GNA14: variants seen among roughly 807,000 people sequenced by gnomAD.
GNA14 encodes the protein guanine nucleotide-binding protein subunit alpha-14.
In GNA14, 50 loss-of-function variants were observed where a neutral mutation model predicts 42.0. The ratio of observed to expected loss-of-function variants is 1.19; its 90% CI spans 0.95 to 1.51. The LOEUF is 1.51. GNA14 is among the 40% of genes most tolerant of loss of function. The probability of loss-of-function intolerance (pLI) is 0.00; values close to 1 mark genes in which losing one functional copy is unlikely to be tolerated. For missense variants in GNA14, 473 were observed against 446.2 expected, an observed-to-expected ratio of 1.06 and a Z score of -0.54; for synonymous variants, 173 against 163.1, an observed-to-expected ratio of 1.06 and a Z score of -0.46.
chr9:77,603,956 CAAAAAAAAAAA>C lies in GNA14; in HGVS notation c.124+43703_124+43713del, dbSNP rs67044542. On this transcript the variant is annotated intron_variant, in intron 1 of 6. Coordinates refer to ENST00000341700, the MANE Select transcript of GNA14 (RefSeq NM_004297.4). ...AAGACTCCATCTCAAAAAAAAAAAA[CAAAAAAAAAAA>C]AAAAAAAAAAAAAACACCTCTGAGA... is the stretch of plus-strand genomic sequence containing the variant. Among the ~76,000 whole-genome samples, 125 of 81,618 alleles carry C rather than the reference CAAAAAAAAAAA, an allele frequency of 1.5e-3. 3 individuals are homozygous for C. Among genetic ancestry groups the C allele is most frequent in the Admixed American group, 6.1e-3 (33 of 5,418 alleles). The allele number at this position is 81,618 out of a possible 152,430, so 53.5% of individuals were successfully genotyped here. A position where few individuals can be genotyped will look rare whatever the true frequency, so the allele number is the denominator to read the frequency against.
At chr9:77,458,908 G>A (rs111758213) in intron 2 of GNA14, among the ~76,000 whole-genome samples, 1,911 of 147,600 alleles carry the variant, frequency 0.013, 41 homozygotes, top group African/African-American at 0.03. Flanking sequence ...AGCTGGAGGG[G>A]GGGGGGTTGT....
At chr9:77,480,929 TC>T (rs1836541343) in intron 2 of GNA14, among the ~76,000 whole-genome samples, 1 of 152,184 alleles carries the variant, frequency 6.6e-6, no homozygotes, top group Non-Finnish European at 1.5e-5. Context: ...TCTATTTGAT[TC>T]TTCTCTCTTT....
intron 2 of GNA14, among the ~76,000 whole-genome samples, chr9:77,485,836 T>C (rs927758099): frequency 7.9e-5 from 12 of 152,212 alleles, no homozygotes; most frequent in Non-Finnish European, 1.6e-4. Context: ...AGGCTTAAAA[T>C]ATTCAGTAAA....
chr9:77,532,416 C>CA (rs1241098454), intron 1 of GNA14, among the ~76,000 whole-genome samples: 1 of 152,146 alleles, frequency 6.6e-6, no homozygotes, highest in African/African-American at 2.4e-5. Context: ...AAGATGGTCC[C>CA]AGCAGCAGGT....
chr9:77,464,345 GTGTATA>G (rs1296321640), intron 2 of GNA14, among the ~76,000 whole-genome samples: 36 of 120,766 alleles, frequency 3.0e-4, no homozygotes, highest in East Asian at 1.4e-3. Flanking sequence ...GTGTGTGTGT[GTGTATA>G]TGTGTGTGTG....
At chr9:77,531,773 C>A (rs558632669) in intron 1 of GNA14, among the ~76,000 whole-genome samples, 1 of 152,274 alleles carries the variant, frequency 6.6e-6, no homozygotes, top group Non-Finnish European at 1.5e-5. Context: ...ATAGTTAAAG[C>A]TAACCCCACC....
intron 2 of GNA14, among the ~76,000 whole-genome samples, chr9:77,510,795 C>G (rs1191561986): frequency 2.6e-5 from 4 of 152,162 alleles, no homozygotes; most frequent in Non-Finnish European, 4.4e-5. Flanking sequence ...GCTCCCAGAA[C>G]AGATGTGTAG....
chr9:77,563,683 T>G (rs1318397495), intron 1 of GNA14, among the ~76,000 whole-genome samples: 1 of 152,134 alleles, frequency 6.6e-6, no homozygotes, highest in African/African-American at 2.4e-5. Context: ...AACAAGATTT[T>G]TTTTTCCTTT....
At position 77,520,865 on chromosome 9, in the gene GNA14, T is replaced by C. The variant is rs530076271; in HGVS notation, c.309+8204A>G. Among the ~76,000 whole-genome samples the C allele has an allele frequency of 2.6e-5, 4 of 152,330 alleles. No homozygotes were observed. In the South Asian group the frequency reaches 8.3e-4, roughly 32 times the overall value. Reference sequence around the variant, plus strand: ...TTGGATTTTGTAGGTGCATACTCAGTTCTGAGGTAGGGGAAGGAATGGTCA... The same window carrying C: ...TTGGATTTTGTAGGTGCATACTCAGCTCTGAGGTAGGGGAAGGAATGGTCA... On this transcript the variant is annotated intron_variant, in intron 2 of 6. Transcript: ENST00000341700.
At chr9:77,459,938 T>G (rs1362090234) in intron 2 of GNA14, among the ~76,000 whole-genome samples, 2 of 152,198 alleles carry the variant, frequency 1.3e-5, no homozygotes, top group East Asian at 3.9e-4. Flanking sequence ...GTTTGTGTCC[T>G]TGTGCGGGCA....
At chr9:77,580,306 T>C (rs1823201023) in intron 1 of GNA14, 1 of 332,308 alleles carries the variant, frequency 3.0e-6, no homozygotes, top group Admixed American at 3.4e-5. Flanking sequence ...TACTACCAGT[T>C]ATTTGATAAA....
rs1824114977 is a variant in GNA14 at position 77,632,514 on chromosome 9, G to A, written c.124+15156C>T. On this transcript the variant is annotated intron_variant, in intron 1 of 6. Transcript: ENST00000341700. ...TGTAACACAAACAGGGCTGAAATATGCCCCTTGCTTGCCACATTGTGGACA... is the reference window on the plus strand; with the variant it reads ...TGTAACACAAACAGGGCTGAAATATACCCCTTGCTTGCCACATTGTGGACA... 2.0e-5 allele frequency among the ~76,000 whole-genome samples: 3 copies of A among 152,176 alleles called. No individual in the cohort carries two copies. The South Asian group carries it at 6.2e-4, about 31-fold the overall frequency.
intron 2 of GNA14, among the ~76,000 whole-genome samples, chr9:77,464,422 G>A (rs1021568377): frequency 5.9e-5 from 9 of 151,494 alleles, no homozygotes; most frequent in Middle Eastern, 3.4e-3. Flanking sequence ...ACCTTTTAGC[G>A]TCACTAACTT....
intron 1 of GNA14, among the ~76,000 whole-genome samples, chr9:77,640,484 G>C (rs924780912): frequency 2.0e-5 from 3 of 151,952 alleles, no homozygotes; most frequent in Non-Finnish European, 2.9e-5. Flanking sequence ...AGACTAGAAG[G>C]CATCTTTTAA....
At chr9:77,527,619 C>A (rs577059401) in intron 2 of GNA14, among the ~76,000 whole-genome samples, 1 of 152,204 alleles carries the variant, frequency 6.6e-6, no homozygotes, top group East Asian at 1.9e-4. Context: ...CTAATTCACC[C>A]CACACAATTT....
intron 5 of GNA14, among the ~76,000 whole-genome samples, chr9:77,426,387 C>G (rs779766370): frequency 6.6e-6 from 1 of 152,092 alleles, no homozygotes. Flanking sequence ...TCACTACAAC[C>G]TCCAGCTCCT....
chr9:77,510,705 C>A (rs1837149955), intron 2 of GNA14, among the ~76,000 whole-genome samples: 1 of 152,216 alleles, frequency 6.6e-6, no homozygotes, highest in Admixed American at 6.5e-5. Flanking sequence ...ACCCCCGACC[C>A]AAGATGCCCC....
chr9:77,627,307 A>G (rs1824026451), intron 1 of GNA14, among the ~76,000 whole-genome samples: 1 of 152,178 alleles, frequency 6.6e-6, no homozygotes, highest in Non-Finnish European at 1.5e-5. Context: ...CAGAGGTACA[A>G]AAAGGAGCTG....
chr9:77,423,958 G>T lies in GNA14; in HGVS notation c.*21C>A. On this transcript the variant is annotated 3_prime_UTR_variant, in exon 7 of 7. Coordinates refer to ENST00000341700, the MANE Select transcript of GNA14 (RefSeq NM_004297.4). ...TTGCAAATCACATCTTCTGTTATAGGGGAGGAGTGGGCAGCAGCTTTTAGA... is the reference window on the plus strand; with the variant it reads ...TTGCAAATCACATCTTCTGTTATAGTGGAGGAGTGGGCAGCAGCTTTTAGA... 4 of 1,539,166 alleles carry T rather than the reference G, an allele frequency of 2.6e-6. No individual in the cohort carries two copies. The highest frequency in any genetic ancestry group is 2.5e-5 in the South Asian group (2 of 80,530).
Sources: gnomAD v4.1 joint callset for allele counts (sites outside exome capture counted in the v4.1 genomes callset) on GRCh38, gnomAD v4.1.1 for gene constraint, MANE v1.5 for transcripts, NCBI Gene and HGNC (gene_info 2026-07-23, HGNC 2026-07-21) for gene names.